Variants in LRP1B observed in about 807,000 individuals in gnomAD.
LRP1B encodes low-density lipoprotein receptor-related protein 1B.
LRP1B carries 217 observed loss-of-function variants against 556.6 expected under a neutral mutation model. The observed-to-expected ratio is 0.39, with a 90% CI of 0.35 to 0.44. The LOEUF (loss-of-function observed/expected upper bound fraction) is 0.44, where lower values mean the gene tolerates loss of function less well. Among genes scored for constraint, LRP1B ranks in the 20% least tolerant of loss-of-function variants. The pLI, the probability that LRP1B is intolerant of heterozygous loss-of-function variation, is 1.00. For missense variants in LRP1B, 5,053 were observed against 5,620.8 expected (o/e 0.90, Z 3.23); for synonymous variants, 2,047 against 1,865.8 (o/e 1.10, Z -2.50).
At chr2:141,724,895 A>G (rs567023748) in intron 2 of LRP1B, among the ~76,000 whole-genome samples, 115 of 152,144 alleles carry the variant, frequency 7.6e-4, no homozygotes, top group Middle Eastern at 3.4e-3. Context: ...ATTAAGTTAC[A>G]TTAAAATCTA....
chr2:140,239,261 G>A (rs1680844430), intron 88 of LRP1B, among the ~76,000 whole-genome samples, 181 bp downstream of exon 88: 1 of 150,564 alleles, frequency 6.6e-6, no homozygotes, highest in Admixed American at 6.6e-5. Flanking sequence ...ACATAACATG[G>A]GAGAAGACTT....
rs531300612 is a variant in LRP1B, at chr2:141,291,213, G to C, written c.344-36572C>G. Among the ~76,000 whole-genome samples the C allele has an allele frequency of 2.9e-3, 444 of 152,134 alleles. 2 individuals are homozygous for C. Among genetic ancestry groups the C allele is most frequent in the African/African-American group, 9.8e-3 (408 of 41,506 alleles). On this transcript the variant is annotated intron_variant, in intron 3 of 90. Coordinates refer to ENST00000389484, the MANE Select transcript of LRP1B (RefSeq NM_018557.3). Reference sequence around the variant, plus strand: ...GCATATTTCAGGATTAATTTTATTAGTGTAACTAAAATATCTTACTTTTGT... The same window carrying C: ...GCATATTTCAGGATTAATTTTATTACTGTAACTAAAATATCTTACTTTTGT...
At chr2:141,610,490 A>G (rs955113230) in intron 2 of LRP1B, among the ~76,000 whole-genome samples, 2 of 151,742 alleles carry the variant, frequency 1.3e-5, no homozygotes, top group African/African-American at 4.8e-5. Context: ...CCACTCTCTG[A>G]CCTCTTTTCC....
chr2:140,328,564 A>C (rs1680620888), intron 79 of LRP1B, among the ~76,000 whole-genome samples: 1 of 152,216 alleles, frequency 6.6e-6, no homozygotes, highest in South Asian at 2.1e-4. Context: ...CAATAAATTT[A>C]AATCACTGTT....
intron 15 of LRP1B, among the ~76,000 whole-genome samples, chr2:140,995,308 C>G (rs1447564178): frequency 1.3e-5 from 2 of 151,952 alleles, no homozygotes; most frequent in African/African-American, 4.8e-5. Context: ...AGAAGATCAT[C>G]TAGTCTGTGG....
chr2:141,847,716 G>T (rs1697701027), intron 1 of LRP1B, among the ~76,000 whole-genome samples: 1 of 151,508 alleles, frequency 6.6e-6, no homozygotes, highest in African/African-American at 2.4e-5. Flanking sequence ...TTTACTAAAT[G>T]ATGTCAAGTA....
chr2:141,319,299 G>GTTTTTTTTTTTTTTTTT lies in LRP1B; in HGVS notation c.344-64659_344-64658insAAAAAAAAAAAAAAAAA. 1.2e-3 allele frequency among the ~76,000 whole-genome samples: 93 copies of GTTTTTTTTTTTTTTTTT among 80,452 alleles called. 17 individuals are homozygous for GTTTTTTTTTTTTTTTTT. Among genetic ancestry groups the GTTTTTTTTTTTTTTTTT allele is most frequent in the African/African-American group, 4.5e-3 (88 of 19,622 alleles). 52.8% of individuals were successfully genotyped at this position (80,452 alleles called of 152,430 possible). A position where few individuals can be genotyped will look rare whatever the true frequency, so the allele number is the denominator to read the frequency against. Reference sequence around the variant, plus strand: ...CATAATGTAGTCTCTAAAAAGCAGTGTTTTTTTGTTGTTTTTTTTTTTTTT... The same window carrying GTTTTTTTTTTTTTTTTT: ...CATAATGTAGTCTCTAAAAAGCAGTGTTTTTTTTTTTTTTTTTTTTTTTTGTTGTTTTTTTTTTTTTT... On this transcript the variant is annotated intron_variant, in intron 3 of 90. Coordinates refer to ENST00000389484, the MANE Select transcript of LRP1B (RefSeq NM_018557.3).
At chr2:140,357,317 C>A (rs1286467508) in intron 74 of LRP1B, among the ~76,000 whole-genome samples, 1 of 151,364 alleles carries the variant, frequency 6.6e-6, no homozygotes, top group Non-Finnish European at 1.5e-5. Context: ...TAGACACATG[C>A]AGCCATATCC....
At chr2:140,870,041 C>T (rs1344170337) in intron 25 of LRP1B, among the ~76,000 whole-genome samples, 1 of 151,830 alleles carries the variant, frequency 6.6e-6, no homozygotes, top group Non-Finnish European at 1.5e-5. Flanking sequence ...CTGGAAGTAC[C>T]CTTATTTGAC....
At chr2:141,754,591 T>C (rs1254403313) in intron 2 of LRP1B, among the ~76,000 whole-genome samples, 1 of 152,204 alleles carries the variant, frequency 6.6e-6, no homozygotes, top group Non-Finnish European at 1.5e-5. Context: ...TAAAACTCCC[T>C]CCTTGTCCTT....
chr2:141,574,348 T>C (rs1686656804), intron 2 of LRP1B, among the ~76,000 whole-genome samples: 1 of 152,260 alleles, frequency 6.6e-6, no homozygotes, highest in South Asian at 2.1e-4. Context: ...AAAAACCACA[T>C]GATTATCTCA....
rs116171442 is a variant in LRP1B, at chr2:141,940,238, A to G, written c.83-129837T>C. The stretch of plus-strand genomic sequence containing the variant: ...AAGACATATTTTTAAAATATCTTGA[A>G]TATTTAGAATTCAACAGCTCTCTGT... On this transcript the variant is annotated intron_variant, in intron 1 of 90. Transcript: ENST00000389484. 2.3e-3 allele frequency among the ~76,000 whole-genome samples: 343 copies of G among 152,272 alleles called. 3 individuals carry two copies. The highest frequency in any genetic ancestry group is 8.0e-3 in the African/African-American group (332 of 41,574).
At chr2:141,429,145 T>C (rs1043790117) in intron 3 of LRP1B, among the ~76,000 whole-genome samples, 2 of 138,690 alleles carry the variant, frequency 1.4e-5, no homozygotes, top group Non-Finnish European at 3.2e-5. Flanking sequence ...ACAGCCAGAC[T>C]GTTGAACTGG....
chr2:141,304,510 C>T (rs1394462748), intron 3 of LRP1B, among the ~76,000 whole-genome samples: 4 of 117,026 alleles, frequency 3.4e-5, no homozygotes, highest in Non-Finnish European at 4.9e-5. Context: ...GATGGAGTCT[C>T]GTTCTGCCAC....
intron 6 of LRP1B, among the ~76,000 whole-genome samples, chr2:141,206,131 TCACACA>T (rs10556736): frequency 0.013 from 1,945 of 149,494 alleles, 26 homozygotes; most frequent in Middle Eastern, 0.035. Context: ...AGTGTACTAT[TCACACA>T]CACACACACA....
At chr2:141,890,585 C>T (rs2104912963) in intron 1 of LRP1B, among the ~76,000 whole-genome samples, 1 of 151,822 alleles carries the variant, frequency 6.6e-6, no homozygotes, top group East Asian at 1.9e-4. Context: ...GTCAACTCAA[C>T]CATGACTCTT....
At chr2:140,356,131 G>T (rs1299117823) in intron 75 of LRP1B, among the ~76,000 whole-genome samples, 1 of 151,484 alleles carries the variant, frequency 6.6e-6, no homozygotes, top group Non-Finnish European at 1.5e-5. Flanking sequence ...ATTTGCTATA[G>T]AAAAAGCTTT....
At chr2:142,117,758 C>T (rs1477114705) in intron 1 of LRP1B, among the ~76,000 whole-genome samples, 1 of 152,106 alleles carries the variant, frequency 6.6e-6, no homozygotes, top group Non-Finnish European at 1.5e-5. Context: ...TAACCCTGGG[C>T]CCACAATCAC....
chr2:141,679,126 T>A (rs1041897597), intron 2 of LRP1B, among the ~76,000 whole-genome samples: 2 of 152,090 alleles, frequency 1.3e-5, no homozygotes, highest in Non-Finnish European at 2.9e-5. Flanking sequence ...CAATAGCCAA[T>A]GAGAATCTGA....
Sources: gnomAD v4.1 joint callset for allele counts (sites outside exome capture counted in the v4.1 genomes callset) on GRCh38, gnomAD v4.1.1 for gene constraint, MANE v1.5 for transcripts, NCBI Gene and HGNC (gene_info 2026-07-23, HGNC 2026-07-21) for gene names.